Variants in FAM120A observed in about 807,000 individuals in gnomAD.
The protein encoded by FAM120A is family with sequence similarity 120 member A.
FAM120A carries 15 observed loss-of-function variants against 109.7 expected under a neutral mutation model. The observed-to-expected ratio is 0.14, with a 90% CI of 0.09 to 0.21. The LOEUF (loss-of-function observed/expected upper bound fraction) is 0.21. FAM120A is among the 10% of genes least tolerant of loss of function. The pLI is 1.00. For synonymous variants in FAM120A, 493 were observed against 572.8 expected, an observed-to-expected ratio of 0.86 and a Z score of 1.99; for missense variants, 899 against 1,439.3, an observed-to-expected ratio of 0.62 and a Z score of 6.07.
intron 2 of FAM120A, among the ~76,000 whole-genome samples, chr9:93,471,937 A>G (rs149548154): frequency 2.6e-5 from 4 of 152,308 alleles, no homozygotes; most frequent in African/African-American, 9.6e-5. Context: ...GAAAGGATGA[A>G]ATCTTGTTTT....
At chr9:93,473,032 T>G (rs1055697414) in intron 2 of FAM120A, among the ~76,000 whole-genome samples, 1 of 152,108 alleles carries the variant, frequency 6.6e-6, no homozygotes, top group African/African-American at 2.4e-5. Flanking sequence ...ATTTTTTTTT[T>G]TTTTAAATGG....
intron 3 of FAM120A, among the ~76,000 whole-genome samples, chr9:93,482,684 CCTT>C (rs1242772575): frequency 1.3e-5 from 2 of 152,112 alleles, no homozygotes. Context: ...GTCAGTCTGG[CCTT>C]CTTATCGCAG....
chr9:93,540,756 G>A (rs990673329), intron 10 of FAM120A, among the ~76,000 whole-genome samples: 1 of 152,118 alleles, frequency 6.6e-6, no homozygotes, highest in African/African-American at 2.4e-5. Flanking sequence ...TAGTGCCTGT[G>A]ACCTCCTCTT....
chr9:93,530,701 T>C (rs759088798), intron 9 of FAM120A: 4 of 152,258 alleles, frequency 2.6e-5, no homozygotes, highest in African/African-American at 7.2e-5. Flanking sequence ...GTGAACATTT[T>C]ATTTTTCAGG....
At position 93,532,145 on chromosome 9, in the gene FAM120A, C is replaced by T. The variant is rs759430606; in HGVS notation, c.1735-10C>T. 1 of 1,612,222 alleles carries T rather than the reference C, an allele frequency of 6.2e-7. No individual in the cohort carries two copies. Among genetic ancestry groups the T allele is most frequent in the South Asian group, 1.1e-5 (1 of 90,808 alleles). On this transcript the variant is annotated splice_polypyrimidine_tract_variant and intron_variant, in intron 9 of 17. Transcript: ENST00000277165. The surrounding 1 kb of genome is among the most constrained non-coding windows in gnomAD (Gnocchi z 4.3). ...ATGTGCAATGTTATTCTGCTTTCTT[C>T]CATGCAAAGGGTGAAATCAAAATTG...
chr9:93,512,117 G>GT (rs1860348448), intron 5 of FAM120A, among the ~76,000 whole-genome samples: 1 of 152,042 alleles, frequency 6.6e-6, no homozygotes, highest in South Asian at 2.1e-4. Context: ...TTTGTTTTTT[G>GT]TTTTTTAAGA....
intron 5 of FAM120A, among the ~76,000 whole-genome samples, chr9:93,511,028 T>C (rs1047785263): frequency 2.6e-5 from 4 of 151,752 alleles, no homozygotes; most frequent in Admixed American, 2.6e-4. Flanking sequence ...GTATGAGCAG[T>C]CCAGCAGTCA....
At position 93,532,820 on chromosome 9, in the gene FAM120A, C is replaced by T. The variant is rs16909273; in HGVS notation, c.1909+491C>T. 0.077 allele frequency among the ~76,000 whole-genome samples: 11,689 copies of T among 152,218 alleles called. 579 individuals carry two copies. Among genetic ancestry groups the T allele is most frequent in the Non-Finnish European group, 0.1 (7,099 of 68,006 alleles). ...GCTGTAGCGAAGGTCGTGGGACTCA[C>T]GGATCGTCGCAGGATTGTGATGATT... On this transcript the variant is annotated intron_variant, in intron 10 of 17. Coordinates refer to ENST00000277165, the MANE Select transcript of FAM120A (RefSeq NM_014612.5). The surrounding 1 kb of genome is among the most constrained non-coding windows in gnomAD (Gnocchi z 4.3).
chr9:93,556,553 C>T lies in FAM120A; in HGVS notation c.2446C>T (p.Arg816Trp), dbSNP rs759730206. 9 of 1,614,020 alleles carry T rather than the reference C, an allele frequency of 5.6e-6. No individual in the cohort carries two copies. The highest frequency in any genetic ancestry group is 2.7e-5 in the African/African-American group (2 of 74,902). The change falls in exon 13 of 18, where the codon CGG becomes TGG. Residue 816 changes from arginine (R) to tryptophan (W), a missense_variant. Arg to Trp is a moderately radical substitution (Grantham distance 101, BLOSUM62 -3). This residue lies in a region of FAM120A where 31 missense variants were observed against 73.0 expected (regional missense o/e 0.42). Transcript: ENST00000277165. Reference protein sequence around the residue: ...LFQSKLLKASREKTPLIDLCD... With the variant: ...LFQSKLLKASWEKTPLIDLCD... ...CCAATCCAAACTCCTCAAAGCCAGCCGGGAAAAGACCCCACTCATTGACCT... is the reference window on the plus strand; with the variant it reads ...CCAATCCAAACTCCTCAAAGCCAGCTGGGAAAAGACCCCACTCATTGACCT...
chr9:93,506,180 T>C (rs1860044528), intron 5 of FAM120A, among the ~76,000 whole-genome samples: 1 of 152,248 alleles, frequency 6.6e-6, no homozygotes, highest in Admixed American at 6.5e-5. Context: ...TTCACTTTTA[T>C]GTACATTTTA....
intron 7 of FAM120A, among the ~76,000 whole-genome samples, chr9:93,524,475 A>G (rs1440992841): frequency 6.6e-6 from 1 of 152,224 alleles, no homozygotes; most frequent in Non-Finnish European, 1.5e-5. Context: ...AAGAAGCTCC[A>G]AACGTTCCTA....
chr9:93,509,468 A>G (rs1289784735), intron 5 of FAM120A, among the ~76,000 whole-genome samples: 5 of 152,216 alleles, frequency 3.3e-5, no homozygotes, highest in African/African-American at 2.4e-5. Flanking sequence ...TGGAGGTGCT[A>G]TGTAATTTAG....
Position 93,452,661 on chromosome 9 carries a change from A to T in FAM120A, c.474+272A>T, listed in dbSNP as rs770036669. ...GGCTGGGAGAGAGCCCCGGACCAGA[A>T]TTCGGAGGCGACAGTGTCATCATCC... is the stretch of plus-strand genomic sequence containing the variant. On this transcript the variant is annotated intron_variant, in intron 1 of 17. Coordinates refer to ENST00000277165, the MANE Select transcript of FAM120A (RefSeq NM_014612.5). The surrounding 1 kb of genome is among the most constrained non-coding windows in gnomAD (Gnocchi z 7.0). 1.3e-6 allele frequency: 2 copies of T among 1,598,974 alleles called. No individual in the cohort carries two copies. Among genetic ancestry groups the T allele is most frequent in the Admixed American group, 3.3e-5 (2 of 60,026 alleles).
At chr9:93,523,866 G>A (rs1209590781) in intron 7 of FAM120A, among the ~76,000 whole-genome samples, 1 of 152,246 alleles carries the variant, frequency 6.6e-6, no homozygotes, top group East Asian at 1.9e-4. Flanking sequence ...ACTAGAGCAT[G>A]AGGAGACTAG....
At position 93,452,975 on chromosome 9, in the gene FAM120A, C is replaced by CG; in HGVS notation, c.474+587dup. 1.2e-5 allele frequency: 16 copies of CG among 1,351,846 alleles called. No individual in the cohort carries two copies. Among genetic ancestry groups the CG allele is most frequent in the Non-Finnish European group, 1.5e-5 (16 of 1,054,444 alleles). 83.7% of individuals were successfully genotyped at this position (1,351,846 alleles called of 1,614,324 possible). A position where few individuals can be genotyped will look rare whatever the true frequency, so the allele number is the denominator to read the frequency against. The stretch of plus-strand genomic sequence containing the variant: ...CTACTTCAGAACGCAGTGCCCTGTC[C>CG]GTGTTCCTCTTAGTACAGGGTGTTT... On this transcript the variant is annotated intron_variant, in intron 1 of 17. Coordinates refer to ENST00000277165, the MANE Select transcript of FAM120A (RefSeq NM_014612.5). This position sits in a 1 kb window ranked among gnomAD's most constrained non-coding sequence, Gnocchi z 7.0.
intron 3 of FAM120A, among the ~76,000 whole-genome samples, chr9:93,487,415 G>T (rs1157888817): frequency 6.6e-6 from 1 of 152,118 alleles, no homozygotes; most frequent in African/African-American, 2.4e-5. Context: ...ACCTACCTAG[G>T]CCTCCCAAAG....
intron 8 of FAM120A, among the ~76,000 whole-genome samples, chr9:93,527,531 C>T (rs1377412849): frequency 6.6e-6 from 1 of 151,448 alleles, no homozygotes; most frequent in East Asian, 1.9e-4. Context: ...TGTGAAAATT[C>T]ACTGAAAAGG....
At chr9:93,486,439 T>C (rs1859057812) in intron 3 of FAM120A, among the ~76,000 whole-genome samples, 1 of 152,202 alleles carries the variant, frequency 6.6e-6, no homozygotes, top group African/African-American at 2.4e-5. Context: ...GTGGATGTTT[T>C]CATTTTCCAT....
intron 5 of FAM120A, among the ~76,000 whole-genome samples, chr9:93,503,534 G>A (rs1859896385): frequency 6.6e-6 from 1 of 152,142 alleles, no homozygotes; most frequent in Non-Finnish European, 1.5e-5. Context: ...AAGGCCAAAA[G>A]TATGGAGGCA....
Sources: gnomAD v4.1 joint callset for allele counts (sites outside exome capture counted in the v4.1 genomes callset) on GRCh38, gnomAD v4.1.1 for gene constraint, gnomAD v4.1.1 regional missense constraint, Gnocchi (gnomAD v3.1) non-coding constraint, MANE v1.5 for transcripts, NCBI Gene and HGNC (gene_info 2026-07-23, HGNC 2026-07-21) for gene names.